Variants in FGD4 observed in about 807,000 individuals in gnomAD.
FGD4 encodes FYVE, RhoGEF and PH domain-containing protein 4.
FGD4 carries 42 observed loss-of-function variants against 102.0 expected under a neutral mutation model. The ratio of observed to expected loss-of-function variants is 0.41; its 90% CI spans 0.32 to 0.53. The LOEUF is 0.53. Among genes scored for constraint, FGD4 ranks in the 20% least tolerant of loss-of-function variants. FGD4 has a pLI of 0.21. For synonymous variants in FGD4, 380 were observed against 375.7 expected, an observed-to-expected ratio of 1.01 and a Z score of -0.13; for missense variants, 902 against 1,078.2, an observed-to-expected ratio of 0.84 and a Z score of 2.29.
chr12:32,515,017 C>A (rs559442818), intron 1 of FGD4, among the ~76,000 whole-genome samples: 2 of 152,232 alleles, frequency 1.3e-5, no homozygotes, highest in East Asian at 3.9e-4. Flanking sequence ...ACTCCCAGCC[C>A]CAGGAACTAT....
At chr12:32,574,884 A>G (rs564257117) in intron 2 of FGD4, 1 of 152,332 alleles carries the variant, frequency 6.6e-6, no homozygotes, top group Admixed American at 6.5e-5. Context: ...AAAAGGATTT[A>G]AGGAAGAAAA....
At chr12:32,567,332 A>G (rs778338894) in intron 2 of FGD4, among the ~76,000 whole-genome samples, 1 of 152,114 alleles carries the variant, frequency 6.6e-6, no homozygotes, top group Non-Finnish European at 1.5e-5. Context: ...CCACAACACT[A>G]TGTTGTTTTA....
chr12:32,407,231 T>C (rs1940978165), intron 1 of FGD4, among the ~76,000 whole-genome samples: 1 of 149,514 alleles, frequency 6.7e-6, no homozygotes, highest in Non-Finnish European at 1.5e-5. Context: ...GTTCAAATGA[T>C]TCTCCTGCCT....
At chr12:32,446,138 C>T (rs768058757) in intron 1 of FGD4, among the ~76,000 whole-genome samples, 5 of 152,138 alleles carry the variant, frequency 3.3e-5, no homozygotes, top group East Asian at 1.9e-4. Context: ...TGGGCAACTG[C>T]GGTGAGACCT....
intron 1 of FGD4, among the ~76,000 whole-genome samples, chr12:32,484,393 A>G (rs1157545882): frequency 6.6e-6 from 1 of 152,216 alleles, no homozygotes; most frequent in African/African-American, 2.4e-5. Context: ...ATAACATAGA[A>G]ACATAATAAT....
chr12:32,558,604 A>G (rs1271296420), intron 1 of FGD4, among the ~76,000 whole-genome samples: 1 of 152,262 alleles, frequency 6.6e-6, no homozygotes, highest in Admixed American at 6.5e-5. Flanking sequence ...GTAATATAAC[A>G]GCCTATAACA....
Position 32,581,897 on chromosome 12 carries a change from G to A in FGD4, c.504-63G>A, listed in dbSNP as rs1399584115. On this transcript the variant is annotated intron_variant, in intron 3 of 16. Coordinates refer to ENST00000534526, the MANE Select transcript of FGD4 (RefSeq NM_001370298.3). ...ATCCCTTTTCAACTGGAATAAACTT[G>A]TCTTAATTCTAGAACTTTTCCATAC... 10 of 1,574,714 alleles carry A rather than the reference G, an allele frequency of 6.4e-6. No homozygotes were observed. In the East Asian group the frequency reaches 1.3e-4, roughly 21 times the overall value.
chr12:32,413,885 A>T (rs1565726178), intron 1 of FGD4, among the ~76,000 whole-genome samples: 1 of 152,060 alleles, frequency 6.6e-6, no homozygotes, highest in Non-Finnish European at 1.5e-5. Flanking sequence ...TAGATGAAGG[A>T]ACTACAGAGA....
intron 3 of FGD4, among the ~76,000 whole-genome samples, chr12:32,577,233 A>C (rs1298357706): frequency 1.3e-5 from 2 of 151,786 alleles, no homozygotes; most frequent in African/African-American, 4.9e-5. Flanking sequence ...ATATAATTTT[A>C]AGCAATTTTA....
intron 1 of FGD4, among the ~76,000 whole-genome samples, chr12:32,525,643 C>T (rs1445055327): frequency 6.6e-6 from 1 of 152,232 alleles, no homozygotes; most frequent in African/African-American, 2.4e-5. Flanking sequence ...GGCCGGAGCC[C>T]ACTCCCTCAG....
chr12:32,466,254 C>G (rs1017370103), intron 1 of FGD4, among the ~76,000 whole-genome samples: 2 of 152,058 alleles, frequency 1.3e-5, no homozygotes, highest in Non-Finnish European at 2.9e-5. Context: ...GGAACTGAAC[C>G]TGCAGTATCT....
At chr12:32,419,088 C>G (rs561393271) in intron 1 of FGD4, among the ~76,000 whole-genome samples, 3 of 152,288 alleles carry the variant, frequency 2.0e-5, no homozygotes, top group African/African-American at 4.8e-5. Context: ...GCTGCCAGCT[C>G]TGGGACTCAC....
chr12:32,634,931 T>C (rs1950708862), intron 15 of FGD4, among the ~76,000 whole-genome samples: 1 of 152,064 alleles, frequency 6.6e-6, no homozygotes, highest in African/African-American at 2.4e-5. Flanking sequence ...GAGATTGCAG[T>C]GAGCCAAGAT....
At chr12:32,632,704 TATTTATTTA>T in intron 14 of FGD4, among the ~76,000 whole-genome samples, 1 of 121,948 alleles carries the variant, frequency 8.2e-6, no homozygotes, top group South Asian at 2.5e-4. Context: ...TTTATTTATT[TATTTATTTA>T]TTTTTTTTTT....
intron 11 of FGD4, among the ~76,000 whole-genome samples, chr12:32,620,331 T>C (rs12321285): frequency 0.15 from 22,857 of 151,982 alleles, 1,979 homozygotes; most frequent in Middle Eastern, 0.26. Context: ...AGAGGCAAGG[T>C]GGTAAGGGTA....
intron 1 of FGD4, among the ~76,000 whole-genome samples, chr12:32,530,862 A>AT (rs1941716996): frequency 6.6e-6 from 1 of 151,452 alleles, no homozygotes; most frequent in Non-Finnish European, 1.5e-5. Context: ...ACTGTTGACA[A>AT]TGAGGAGCAT....
At chr12:32,523,500 C>T (rs1009960109) in intron 1 of FGD4, among the ~76,000 whole-genome samples, 75 of 152,098 alleles carry the variant, frequency 4.9e-4, no homozygotes, top group African/African-American at 1.7e-3. Flanking sequence ...ATGGGTGGAC[C>T]GAGGACTGTC....
intron 1 of FGD4, among the ~76,000 whole-genome samples, chr12:32,557,866 T>C (rs536953980): frequency 6.6e-6 from 1 of 152,292 alleles, no homozygotes; most frequent in Admixed American, 6.5e-5. Flanking sequence ...ATCTGCAATC[T>C]ATGGGACAAA....
intron 1 of FGD4, among the ~76,000 whole-genome samples, chr12:32,545,490 T>C (rs1381295858): frequency 3.9e-5 from 6 of 152,330 alleles, no homozygotes; most frequent in African/African-American, 1.2e-4. Flanking sequence ...TTGCAGGCCA[T>C]ATGGTCCCTG....
Sources: allele counts gnomAD v4.1 joint callset (sites outside exome capture counted in the v4.1 genomes callset), GRCh38; gene constraint gnomAD v4.1.1; transcripts MANE v1.5; gene names NCBI Gene and HGNC (gene_info 2026-07-23, HGNC 2026-07-21).